TENM1: variants seen among roughly 807,000 people sequenced by gnomAD.
TENM1 encodes teneurin transmembrane protein 1, also known as teneurin-1.
Under a neutral mutation model 174.8 loss-of-function variants are expected in TENM1, and 35 were observed. The ratio of observed to expected loss-of-function variants is 0.20; its 90% confidence interval spans 0.15 to 0.27. The LOEUF is 0.27. TENM1 is among the 10% of genes least tolerant of loss of function. TENM1 has a pLI of 1.00. For synonymous variants in TENM1, 781 were observed against 798.7 expected, an observed-to-expected ratio of 0.98 and a Z score of 0.37; for missense variants, 1,633 against 2,130.1, an observed-to-expected ratio of 0.77 and a Z score of 4.59.
chrX:124,820,368 T>C (rs1476383553), intron 3 of TENM1, among the ~76,000 whole-genome samples: 1 of 111,611 alleles, frequency 9.0e-6, no homozygotes, highest in Admixed American at 9.6e-5. Flanking sequence ...TCATTTCATT[T>C]GGGTTCTCTC....
chrX:124,834,744 G>A (rs768497481), intron 3 of TENM1, among the ~76,000 whole-genome samples: 14 of 111,905 alleles, frequency 1.3e-4, no homozygotes, highest in African/African-American at 4.5e-4. Flanking sequence ...TAAAGTTCAT[G>A]CTCACACTGG....
chrX:125,085,105 A>C, the TENM1 span, among the ~76,000 whole-genome samples: 16 of 110,295 alleles, frequency 1.5e-4, no homozygotes, highest in Non-Finnish European at 2.7e-4. Context: ...AGAGTTTTAG[A>C]AATTTTGTAA....
At chrX:124,866,701 AAAC>A (rs781053728) in intron 3 of TENM1, among the ~76,000 whole-genome samples, 1 of 111,812 alleles carries the variant, frequency 8.9e-6, no homozygotes, top group Non-Finnish European at 1.9e-5. Flanking sequence ...CTGAAATGAA[AAAC>A]AATACAAAAG....
intron 6 of TENM1, among the ~76,000 whole-genome samples, chrX:124,656,407 A>T (rs2051445167): frequency 8.9e-6 from 1 of 112,592 alleles, no homozygotes; most frequent in African/African-American, 3.2e-5. Flanking sequence ...TCATGAAAAT[A>T]ATTTTAAAAG....
In TENM1 at chrX:124,945,618, C is replaced by T. The variant is rs185267032; in HGVS notation, c.217+17919G>A. Among the ~76,000 whole-genome samples, 580 of 110,719 alleles carry T rather than the reference C, an allele frequency of 5.2e-3. 5 individuals carry two copies. The highest frequency in any genetic ancestry group is 0.029 in the South Asian group (75 of 2,557). On this transcript the variant is annotated intron_variant, in intron 1 of 31. Transcript: ENST00000422452. ...TTTGATGGTAAAATGGATGAGGTCA[C>T]GAATCATATCAAGGTTTTTGATATA...
At chrX:124,655,163 T>G (rs2051409071) in intron 6 of TENM1, among the ~76,000 whole-genome samples, 2 of 111,525 alleles carry the variant, frequency 1.8e-5, no homozygotes, top group Non-Finnish European at 3.8e-5. Flanking sequence ...ACATTAAGTG[T>G]TGGGGCCAAT....
intron 11 of TENM1, among the ~76,000 whole-genome samples, chrX:124,584,528 GA>G (rs1206503090): frequency 9.0e-6 from 1 of 111,205 alleles, no homozygotes; most frequent in African/African-American, 3.3e-5. Context: ...AAGAGCTCCT[GA>G]AGGAAGCACT....
chrX:124,989,782 ATATT>A, the TENM1 span, among the ~76,000 whole-genome samples: 3 of 111,007 alleles, frequency 2.7e-5, no homozygotes, highest in Non-Finnish European at 3.8e-5. Context: ...CATATGAGAT[ATATT>A]TATTTATTAA....
intron 1 of TENM1, among the ~76,000 whole-genome samples, chrX:124,941,131 C>G (rs1054304214): frequency 3.6e-5 from 4 of 111,517 alleles, no homozygotes; most frequent in Admixed American, 1.9e-4. Context: ...TCTTAAAAGC[C>G]TATACTTGAT....
intron 15 of TENM1, among the ~76,000 whole-genome samples, chrX:124,544,756 G>A (rs1231829387): frequency 8.0e-5 from 9 of 112,008 alleles, no homozygotes; most frequent in East Asian, 2.8e-4. Flanking sequence ...CAGCTGTGGC[G>A]TAATGGAAAG....
At chrX:125,162,053 C>A in the TENM1 span, among the ~76,000 whole-genome samples, 1 of 111,821 alleles carries the variant, frequency 8.9e-6, no homozygotes, top group Non-Finnish European at 1.9e-5. Context: ...TTTCTTAGCA[C>A]TTAAAAAGTA....
intron 27 of TENM1, among the ~76,000 whole-genome samples, chrX:124,396,084 C>T (rs1424549662): frequency 1.8e-5 from 2 of 111,412 alleles, no homozygotes; most frequent in Non-Finnish European, 3.8e-5. Flanking sequence ...AGACGTCTGC[C>T]GCTGTGCTTC....
chrX:124,666,928 C>T (rs1462462608), intron 6 of TENM1, among the ~76,000 whole-genome samples: 2 of 111,528 alleles, frequency 1.8e-5, no homozygotes, highest in South Asian at 7.4e-4. Context: ...AATTGTTTTA[C>T]TTGTTCAGTT....
exon 27 of TENM1, chrX:124,405,124 T>C: frequency 2.5e-6 from 3 of 1,204,830 alleles, no homozygotes; most frequent in East Asian, 3.0e-5. Context: ...CTCCGGGCAA[T>C]GAGATGTTGC....
At chrX:124,586,377 T>C (rs1326280246) in intron 11 of TENM1, among the ~76,000 whole-genome samples, 2 of 106,417 alleles carry the variant, frequency 1.9e-5, no homozygotes, top group African/African-American at 3.5e-5. Flanking sequence ...GCAAGGCTGG[T>C]TCAATATACG....
intron 3 of TENM1, among the ~76,000 whole-genome samples, chrX:124,853,121 T>C (rs759265044): frequency 8.9e-6 from 1 of 111,876 alleles, no homozygotes; most frequent in Non-Finnish European, 1.9e-5. Flanking sequence ...TTATATTCTA[T>C]TGGAGAAGGC....
At chrX:124,897,716 A>ACTTATAAC (rs2057586760) in intron 1 of TENM1, among the ~76,000 whole-genome samples, 1 of 112,341 alleles carries the variant, frequency 8.9e-6, no homozygotes, top group Admixed American at 9.4e-5. Context: ...GTCACTGCTG[A>ACTTATAAC]GTATGTTACC....
At chrX:125,117,947 C>A in the TENM1 span, among the ~76,000 whole-genome samples, 1 of 110,986 alleles carries the variant, frequency 9.0e-6, no homozygotes, top group Admixed American at 9.5e-5. Context: ...CTAACAATAG[C>A]AAAAATATGA....
chrX:124,585,446 T>G (rs369758972), intron 11 of TENM1, among the ~76,000 whole-genome samples: 1,845 of 110,915 alleles, frequency 0.017, 31 homozygotes, highest in African/African-American at 0.048. Flanking sequence ...ACTGGGTACA[T>G]AACGAAATGA....
Sources: gnomAD v4.1 joint callset for allele counts (sites outside exome capture counted in the v4.1 genomes callset) on GRCh38, gnomAD v4.1.1 for gene constraint, MANE v1.5 for transcripts, NCBI Gene and HGNC (gene_info 2026-07-23, HGNC 2026-07-21) for gene names.